The following RSU1 variants were observed in gnomAD, a reference collection of about 807,000 sequenced individuals.
RSU1 encodes the protein rsu-1.
RSU1 carries 26 observed loss-of-function variants against 31.1 expected under a neutral mutation model. The observed-to-expected ratio is 0.84, with a 90% confidence interval of 0.61 to 1.16. RSU1 has a LOEUF of 1.16. Ranked by LOEUF, RSU1 falls within the 50% of genes most tolerant of loss-of-function variation. RSU1 has a pLI of 0.00. For missense variants in RSU1, 320 were observed against 339.1 expected, an observed-to-expected ratio of 0.94 and a Z score of 0.44; for synonymous variants, 164 against 136.3, an observed-to-expected ratio of 1.20 and a Z score of -1.41.
In RSU1 at chr10:16,766,894, G is replaced by A. The variant is rs150215754; in HGVS notation, c.161-2384C>T. ...TAAATAATTAGCTGGGCATGGTGGC[G>A]CATGCCTGTAGTTCCAGCTACTCGG... On this transcript the variant is annotated intron_variant, in intron 3 of 8. Transcript: ENST00000345264. 2.2e-3 allele frequency among the ~76,000 whole-genome samples: 330 copies of A among 148,950 alleles called. 2 individuals are homozygous for A. The highest frequency in any genetic ancestry group is 7.7e-3 in the African/African-American group (312 of 40,338).
At chr10:16,813,906 T>C (rs960053855) in intron 2 of RSU1, among the ~76,000 whole-genome samples, 5 of 152,216 alleles carry the variant, frequency 3.3e-5, no homozygotes, top group Admixed American at 6.5e-5. Flanking sequence ...AGGGCTGCGT[T>C]AGAAGATACA....
At chr10:16,815,043 G>T (rs1203558738) in intron 2 of RSU1, among the ~76,000 whole-genome samples, 1 of 152,218 alleles carries the variant, frequency 6.6e-6, no homozygotes, top group Non-Finnish European at 1.5e-5. Context: ...CAAGGTTCCC[G>T]CTATGCATCA....
intron 7 of RSU1, among the ~76,000 whole-genome samples, chr10:16,722,875 T>TAC (rs1283727711): frequency 4.4e-5 from 6 of 136,914 alleles, no homozygotes; most frequent in East Asian, 2.2e-4. Flanking sequence ...TATGTATATA[T>TAC]ACACACATAT....
At chr10:16,679,831 T>C (rs563779423) in intron 8 of RSU1, among the ~76,000 whole-genome samples, 3 of 150,474 alleles carry the variant, frequency 2.0e-5, no homozygotes, top group Admixed American at 6.6e-5. Context: ...GATACGGTGA[T>C]GGAAAAACTC....
At chr10:16,601,283 T>G (rs542598822) in intron 8 of RSU1, among the ~76,000 whole-genome samples, 2 of 152,322 alleles carry the variant, frequency 1.3e-5, no homozygotes, top group African/African-American at 4.8e-5. Context: ...CCTCTTTTTG[T>G]TTTTGGTCAC....
chr10:16,595,322 CTA>C (rs141346401), intron 8 of RSU1, among the ~76,000 whole-genome samples: 1,883 of 152,332 alleles, frequency 0.012, 50 homozygotes, highest in African/African-American at 0.043. Flanking sequence ...AAGCTGGACA[CTA>C]TGGTTTTGAA....
chr10:16,624,835 TA>T (rs972557179), intron 8 of RSU1, among the ~76,000 whole-genome samples: 15 of 152,098 alleles, frequency 9.9e-5, no homozygotes, highest in Non-Finnish European at 2.2e-4. Context: ...GCTGATTGAT[TA>T]AAAAAAGTTC....
At chr10:16,687,496 G>C (rs964489529) in intron 8 of RSU1, among the ~76,000 whole-genome samples, 2 of 152,076 alleles carry the variant, frequency 1.3e-5, no homozygotes, top group Non-Finnish European at 2.9e-5. Flanking sequence ...ATGAATAATA[G>C]TGTTAACCAA....
At chr10:16,606,610 T>A (rs544979825) in intron 8 of RSU1, among the ~76,000 whole-genome samples, 2 of 152,302 alleles carry the variant, frequency 1.3e-5, no homozygotes. Flanking sequence ...ATTCCTGTAG[T>A]GTGCACACAG....
intron 8 of RSU1, among the ~76,000 whole-genome samples, chr10:16,691,379 GTT>G (rs371190541): frequency 1.5e-5 from 2 of 133,808 alleles, no homozygotes; most frequent in African/African-American, 2.8e-5. Flanking sequence ...TTTTTGTGCA[GTT>G]TTTTTTTTTT....
At chr10:16,736,953 C>CA (rs573008197) in intron 7 of RSU1, among the ~76,000 whole-genome samples, 11 of 109,162 alleles carry the variant, frequency 1.0e-4, no homozygotes, top group South Asian at 8.9e-4. Context: ...CACTACAGAA[C>CA]AAAAAAAATC....
chr10:16,743,257 T>C (rs1000868761), intron 7 of RSU1, among the ~76,000 whole-genome samples: 4 of 152,224 alleles, frequency 2.6e-5, no homozygotes, highest in African/African-American at 9.6e-5. Context: ...TTTTGACACA[T>C]TGATGGGTAT....
intron 4 of RSU1, among the ~76,000 whole-genome samples, chr10:16,757,966 G>A (rs1837132511): frequency 6.6e-6 from 1 of 152,220 alleles, no homozygotes; most frequent in Non-Finnish European, 1.5e-5. Context: ...TCTCACCTGA[G>A]AGAGAGCTCC....
At chr10:16,696,714 C>T (rs1026922717) in intron 7 of RSU1, among the ~76,000 whole-genome samples, 21 of 152,150 alleles carry the variant, frequency 1.4e-4, no homozygotes, top group African/African-American at 4.6e-4. Context: ...AATTAGTGAG[C>T]TTGATTCTCT....
intron 8 of RSU1, among the ~76,000 whole-genome samples, chr10:16,621,892 T>C (rs1265386307): frequency 6.6e-6 from 1 of 152,208 alleles, no homozygotes. Flanking sequence ...ATTTTATTGA[T>C]AGCAAATTAA....
chr10:16,643,828 C>G (rs1834488000), intron 8 of RSU1, among the ~76,000 whole-genome samples: 1 of 151,646 alleles, frequency 6.6e-6, no homozygotes, highest in Non-Finnish European at 1.5e-5. Flanking sequence ...CAGTCAACTC[C>G]AAATAAAAAA....
At chr10:16,806,638 TTATC>T (rs1448456378) in intron 2 of RSU1, among the ~76,000 whole-genome samples, 2 of 152,198 alleles carry the variant, frequency 1.3e-5, no homozygotes, top group Non-Finnish European at 2.9e-5. Flanking sequence ...TTCAATCATA[TTATC>T]TATTATTTTC....
chr10:16,676,894 A>G (rs939533338), intron 8 of RSU1, among the ~76,000 whole-genome samples: 2 of 152,178 alleles, frequency 1.3e-5, no homozygotes, highest in African/African-American at 4.8e-5. Context: ...CCACTCAGAT[A>G]AGGGGTTGCT....
chr10:16,647,073 G>A (rs1834585974), intron 8 of RSU1, among the ~76,000 whole-genome samples: 1 of 151,930 alleles, frequency 6.6e-6, no homozygotes, highest in Non-Finnish European at 1.5e-5. Flanking sequence ...CGCCTCCCAG[G>A]TTCAAGCGAT....
Sources: gnomAD v4.1 joint callset for allele counts (sites outside exome capture counted in the v4.1 genomes callset) on GRCh38, gnomAD v4.1.1 for gene constraint, MANE v1.5 for transcripts, NCBI Gene and HGNC (gene_info 2026-07-23, HGNC 2026-07-21) for gene names.